Variants in MALRD1 observed in about 807,000 individuals in gnomAD.
MALRD1 encodes MAM and LDL-receptor class A domain-containing protein 1.
A neutral mutation model predicts 242.1 loss-of-function variants in MALRD1; 247 were observed. The observed-to-expected ratio is 1.02, with a 90% CI of 0.92 to 1.13. The LOEUF is 1.13. Ranked by LOEUF, MALRD1 falls within the 50% of genes most tolerant of loss-of-function variation. The pLI is 0.00. For synonymous variants in MALRD1, 995 were observed against 866.6 expected, an observed-to-expected ratio of 1.15 and a Z score of -2.60; for missense variants, 2,989 against 2,533.1, an observed-to-expected ratio of 1.18 and a Z score of -3.86.
chr10:19,159,913 A>G (rs949788984), intron 12 of MALRD1, among the ~76,000 whole-genome samples: 7 of 152,096 alleles, frequency 4.6e-5, no homozygotes, highest in Admixed American at 6.6e-5. Context: ...AAAAATAGAA[A>G]TAATTTAAAA....
intron 29 of MALRD1, chr10:19,491,015 TAGAC>T (rs1341594796): frequency 4.1e-5 from 8 of 196,370 alleles, no homozygotes; most frequent in Non-Finnish European, 7.5e-5. Context: ...TCAGCAGAAA[TAGAC>T]AGTTGCTTTA....
At chr10:19,295,211 A>T (rs550211919) in intron 21 of MALRD1, among the ~76,000 whole-genome samples, 19 of 152,160 alleles carry the variant, frequency 1.2e-4, no homozygotes, top group Non-Finnish European at 2.5e-4. Context: ...TTATTATTAT[A>T]AATTATTACA....
intron 19 of MALRD1, 109 bp from the exon 20 acceptor site, chr10:19,279,938 T>A: frequency 1.2e-6 from 1 of 857,436 alleles, no homozygotes. Context: ...CCCACTGTTC[T>A]CTATGATATT....
intron 30 of MALRD1, chr10:19,493,438 T>G (rs1024678722): frequency 6.6e-6 from 1 of 152,142 alleles, no homozygotes; most frequent in Admixed American, 6.5e-5. Context: ...TATCATGTAT[T>G]TCTTTCATAG....
At chr10:19,186,290 GA>G (rs1588669250) in intron 14 of MALRD1, among the ~76,000 whole-genome samples, 1 of 152,296 alleles carries the variant, frequency 6.6e-6, no homozygotes, top group East Asian at 1.9e-4. Context: ...ATGTCATTGT[GA>G]AAGACCCTAA....
At chr10:19,187,174 A>G (rs1300182265) in intron 14 of MALRD1, among the ~76,000 whole-genome samples, 2 of 152,216 alleles carry the variant, frequency 1.3e-5, no homozygotes, top group Non-Finnish European at 2.9e-5. Flanking sequence ...ACTAATTTAT[A>G]GCTCTGTAAA....
intron 33 of MALRD1, among the ~76,000 whole-genome samples, chr10:19,574,649 T>G (rs896260012): frequency 2.6e-5 from 4 of 152,188 alleles, no homozygotes; most frequent in African/African-American, 9.7e-5. Context: ...TTGTACAATT[T>G]TGAGCAAATC....
rs377588341 is a variant in MALRD1, at chr10:19,508,509, A to G, written c.5320+9863A>G. Among the ~76,000 whole-genome samples the G allele has an allele frequency of 2.2e-3, 329 of 152,340 alleles. 2 individuals carry two copies. Among genetic ancestry groups the G allele is most frequent in the Middle Eastern group, 6.8e-3 (2 of 294 alleles). On this transcript the variant is annotated intron_variant, in intron 31 of 39. Transcript: ENST00000454679. ...ACTCAAAACACTTTCTCCTGAACCTATACTGTCCAATGTGTTAGCAACTAG... is the reference window on the plus strand; with the variant it reads ...ACTCAAAACACTTTCTCCTGAACCTGTACTGTCCAATGTGTTAGCAACTAG...
intron 28 of MALRD1, among the ~76,000 whole-genome samples, chr10:19,423,394 A>G (rs1396894424): frequency 6.6e-6 from 1 of 152,028 alleles, no homozygotes; most frequent in African/African-American, 2.4e-5. Context: ...TTATTATTAA[A>G]TAAATATTAA....
rs573962790 is a variant in MALRD1 at position 19,602,386 on chromosome 10, C to T, written c.5945-5391C>T. Among the ~76,000 whole-genome samples, 698 of 143,638 alleles carry T rather than the reference C, an allele frequency of 4.9e-3. 3 individuals carry two copies. The highest frequency in any genetic ancestry group is 8.2e-3 in the Non-Finnish European group (550 of 66,770). 94.2% of individuals were successfully genotyped at this position (143,638 alleles called of 152,430 possible). Reference sequence around the variant, plus strand: ...ACAGGCCCCGGTGTGTGATGTTACCCTTCCTGTGTCCAAGTGTTCTCATTG... The same window carrying T: ...ACAGGCCCCGGTGTGTGATGTTACCTTTCCTGTGTCCAAGTGTTCTCATTG... On this transcript the variant is annotated intron_variant, in intron 34 of 39. Coordinates refer to ENST00000454679, the MANE Select transcript of MALRD1 (RefSeq NM_001142308.3).
rs1332788338 is a variant in MALRD1 at position 19,389,575 on chromosome 10, C to T, written c.4811C>T (p.Ala1604Val). Reference protein sequence around the residue: ...CTMSFWYFVSAKATGSIQILI... With the variant: ...CTMSFWYFVSVKATGSIQILI... ...ATGAGCTTCTGGTATTTCGTATCTG[C>T]AAAGGCCACAGGATCCATTCAGATT... The change falls in exon 28 of 40, where the codon GCA becomes GTA. Residue 1604 changes from alanine to valine, a missense_variant. Physicochemically the swap from Ala to Val is moderately conservative, Grantham distance 64. Coordinates refer to ENST00000454679, the MANE Select transcript of MALRD1 (RefSeq NM_001142308.3). 3 of 1,550,628 alleles carry T rather than the reference C, an allele frequency of 1.9e-6. No homozygotes were observed. Among genetic ancestry groups the T allele is most frequent in the Non-Finnish European group, 8.7e-7 (1 of 1,146,936 alleles).
At chr10:19,575,331 G>C (rs1240991439) in intron 33 of MALRD1, among the ~76,000 whole-genome samples, 1 of 152,128 alleles carries the variant, frequency 6.6e-6, no homozygotes, top group Non-Finnish European at 1.5e-5. Context: ...ATTTCAAGCT[G>C]TGCATGTGAC....
At chr10:19,507,784 C>T (rs1045790462) in intron 31 of MALRD1, among the ~76,000 whole-genome samples, 13 of 152,078 alleles carry the variant, frequency 8.5e-5, no homozygotes, top group Admixed American at 6.6e-5. Context: ...GCTTCAATCA[C>T]CACATTGAAA....
At chr10:19,640,950 CTAA>C (rs1840358989) in intron 36 of MALRD1, among the ~76,000 whole-genome samples, 1 of 152,104 alleles carries the variant, frequency 6.6e-6, no homozygotes, top group Non-Finnish European at 1.5e-5. Flanking sequence ...AGGAAATCAT[CTAA>C]TAATTGTTTT....
At chr10:19,240,393 G>A (rs114657648) in intron 18 of MALRD1, among the ~76,000 whole-genome samples, 2,149 of 151,926 alleles carry the variant, frequency 0.014, 43 homozygotes, top group African/African-American at 0.049. Flanking sequence ...CAAGTCTTTA[G>A]GGTTCTCACT....
intron 28 of MALRD1, among the ~76,000 whole-genome samples, chr10:19,409,258 A>G (rs568483661): frequency 1.3e-5 from 2 of 152,196 alleles, no homozygotes; most frequent in African/African-American, 2.4e-5. Flanking sequence ...GATTCCATTC[A>G]TATGACATTT....
At chr10:19,491,927 T>C (rs1425843670) in intron 30 of MALRD1, among the ~76,000 whole-genome samples, 3 of 152,020 alleles carry the variant, frequency 2.0e-5, no homozygotes, top group Admixed American at 6.6e-5. Flanking sequence ...GCACACTGTG[T>C]GTAGGGTTAG....
rs140008432 is a variant in MALRD1, at chr10:19,130,398, A to G, written c.1110+2011A>G. On this transcript the variant is annotated intron_variant, in intron 8 of 39. Coordinates refer to ENST00000454679, the MANE Select transcript of MALRD1 (RefSeq NM_001142308.3). ...TTCCAACTCCTTCTTCAATAAAGGCATAGTAGAGAAATTCTAGAATAATTT... is the reference window on the plus strand; with the variant it reads ...TTCCAACTCCTTCTTCAATAAAGGCGTAGTAGAGAAATTCTAGAATAATTT... Among the ~76,000 whole-genome samples, 639 of 152,296 alleles carry G rather than the reference A, an allele frequency of 4.2e-3. 7 individuals carry two copies. Among genetic ancestry groups the G allele is most frequent in the African/African-American group, 0.014 (591 of 41,574 alleles).
intron 33 of MALRD1, among the ~76,000 whole-genome samples, chr10:19,578,857 A>G (rs1412517714): frequency 6.6e-6 from 1 of 152,016 alleles, no homozygotes; most frequent in Non-Finnish European, 1.5e-5. Context: ...GTTTCCATAT[A>G]TACATCTTTT....
Sources: allele counts gnomAD v4.1 joint callset (sites outside exome capture counted in the v4.1 genomes callset), GRCh38; gene constraint gnomAD v4.1.1; transcripts MANE v1.5; gene names NCBI Gene and HGNC (gene_info 2026-07-23, HGNC 2026-07-21).